Variants in CLEC19A observed in about 807,000 individuals in gnomAD.
CLEC19A encodes the protein C-type lectin domain containing 19A.
A neutral mutation model predicts 26.1 loss-of-function variants in CLEC19A; 21 were observed. The ratio of observed to expected loss-of-function variants is 0.80; its 90% CI spans 0.57 to 1.16. The LOEUF (loss-of-function observed/expected upper bound fraction) is 1.16, where lower values mean the gene tolerates loss of function less well. Ranked by LOEUF, CLEC19A falls within the 50% of genes most tolerant of loss-of-function variation. CLEC19A has a pLI of 0.00. For missense variants in CLEC19A, 224 were observed against 227.6 expected (o/e 0.98, Z 0.10); for synonymous variants, 89 against 88.6 (o/e 1.00, Z -0.03).
intron 3 of CLEC19A, among the ~76,000 whole-genome samples, chr16:19,307,060 C>T (rs963069363): frequency 1.2e-4 from 18 of 152,126 alleles, no homozygotes; most frequent in Non-Finnish European, 2.4e-4. Flanking sequence ...AGAGTAGTTC[C>T]ACCTTAGGCA....
intron 3 of CLEC19A, among the ~76,000 whole-genome samples, chr16:19,305,739 A>G (rs921327560): frequency 6.6e-6 from 1 of 152,214 alleles, no homozygotes; most frequent in South Asian, 2.1e-4. Context: ...CGTGGTGCTT[A>G]GCATATTATA....
chr16:19,300,232 A>G (rs1411033776), intron 2 of CLEC19A, among the ~76,000 whole-genome samples: 2 of 151,604 alleles, frequency 1.3e-5, no homozygotes, highest in African/African-American at 4.8e-5. Flanking sequence ...TCAAAAATAA[A>G]TAAATAAATA....
chr16:19,308,847 AG>A (rs1172294861), intron 4 of CLEC19A, among the ~76,000 whole-genome samples, 156 bp from the exon 5 acceptor site: 1 of 152,206 alleles, frequency 6.6e-6, no homozygotes. Flanking sequence ...TGCAAGAGTA[AG>A]GCTGGACAGC....
chr16:19,301,746 T>TTTTTTTTTTTTTTTG (rs1897833836), intron 2 of CLEC19A, among the ~76,000 whole-genome samples: 1 of 121,932 alleles, frequency 8.2e-6, no homozygotes, highest in African/African-American at 3.4e-5. Flanking sequence ...GTTTTTTTTT[T>TTTTTTTTTTTTTTTG]TTTTTTTTTT....
rs1291095115 is a variant in CLEC19A, at chr16:19,301,766, T to TTTTTTA, written c.255-2296_255-2295insTTTTTA. Among the ~76,000 whole-genome samples, 328 of 116,100 alleles carry TTTTTTA rather than the reference T, an allele frequency of 2.8e-3. 1 individual carries two copies. Among genetic ancestry groups the TTTTTTA allele is most frequent in the Non-Finnish European group, 4.7e-3 (262 of 55,612 alleles). The allele number at this position is 116,100 out of a possible 152,430, so 76.2% of individuals were successfully genotyped here. On this transcript the variant is annotated intron_variant, in intron 2 of 4. Coordinates refer to ENST00000636231, the MANE Select transcript of CLEC19A (RefSeq NM_001256720.2). Reference sequence around the variant, plus strand: ...TTTTTTTTTTTTTTTTTTTTTTTTGTATTTTTAGCAGAGACGGAGTTTCAC... The same window carrying TTTTTTA: ...TTTTTTTTTTTTTTTTTTTTTTTTGTTTTTTAATTTTTAGCAGAGACGGAGTTTCAC...
At chr16:19,301,727 GTTTTTTTGGTTTTT>G (rs1368763505) in intron 2 of CLEC19A, among the ~76,000 whole-genome samples, 1,746 of 28,362 alleles carry the variant, frequency 0.062, 76 homozygotes, top group African/African-American at 0.14. Context: ...CCATGCCCAG[GTTTTTTTGGTTTTT>G]TTTTTTTTTT....
At position 19,307,395 on chromosome 16, in the gene CLEC19A, A is replaced by G. The variant is rs895398882; in HGVS notation, c.349-150A>G. 4.9e-5 allele frequency: 38 copies of G among 780,620 alleles called. No individual in the cohort carries two copies. In the African/African-American group the frequency reaches 5.9e-4, roughly 12 times the overall value. 48.4% of individuals were successfully genotyped at this position (780,620 alleles called of 1,614,324 possible). A position where few individuals can be genotyped will look rare whatever the true frequency, so the allele number is the denominator to read the frequency against. On this transcript the variant is annotated intron_variant, in intron 3 of 4. Transcript: ENST00000636231. ...TAATAGCAGTCAGATTGGTAGCAGT[A>G]GTGCCAGATAGCAGTAGCCTCAATG...
At chr16:19,293,127 G>T (rs1254097950) in intron 1 of CLEC19A, among the ~76,000 whole-genome samples, 4 of 152,028 alleles carry the variant, frequency 2.6e-5, no homozygotes, top group African/African-American at 9.7e-5. Context: ...GTAAAGAGGG[G>T]AAAAAAGAGA....
rs914893082 is a variant in CLEC19A, at chr16:19,309,961, A to G, written c.*878A>G. ...GCCTAGCCAAGAATACATCTTAAAT[A>G]TTCCCGTCAACACATGGGCTCAAAG... On this transcript the variant is annotated 3_prime_UTR_variant, in exon 5 of 5. Coordinates refer to ENST00000636231, the MANE Select transcript of CLEC19A (RefSeq NM_001256720.2). 2.6e-5 allele frequency: 4 copies of G among 152,144 alleles called. No individual in the cohort carries two copies. The highest frequency in any genetic ancestry group is 5.9e-5 in the Non-Finnish European group (4 of 68,036). 9.4% of individuals were successfully genotyped at this position (152,144 alleles called of 1,614,324 possible). A position where few individuals can be genotyped will look rare whatever the true frequency, so the allele number is the denominator to read the frequency against.
Position 19,301,736 on chromosome 16 carries a change from G to GTTTTTTTTTTTTTTTTTTTTTTTTTT in CLEC19A, c.255-2323_255-2298dup, listed in dbSNP as rs1171248968. Among the ~76,000 whole-genome samples, 10 of 81,496 alleles carry GTTTTTTTTTTTTTTTTTTTTTTTTTT rather than the reference G, an allele frequency of 1.2e-4. 1 individual carries two copies. Among genetic ancestry groups the GTTTTTTTTTTTTTTTTTTTTTTTTTT allele is most frequent in the African/African-American group, 4.3e-4 (9 of 20,912 alleles). 53.5% of individuals were successfully genotyped at this position (81,496 alleles called of 152,430 possible). A position where few individuals can be genotyped will look rare whatever the true frequency, so the allele number is the denominator to read the frequency against. ...ATGACACCATGCCCAGGTTTTTTTGGTTTTTTTTTTTTTTTTTTTTTTTTT... is the reference window on the plus strand; with the variant it reads ...ATGACACCATGCCCAGGTTTTTTTGGTTTTTTTTTTTTTTTTTTTTTTTTTTTTTTTTTTTTTTTTTTTTTTTTTTT... On this transcript the variant is annotated intron_variant, in intron 2 of 4. Coordinates refer to ENST00000636231, the MANE Select transcript of CLEC19A (RefSeq NM_001256720.2).
intron 2 of CLEC19A, among the ~76,000 whole-genome samples, chr16:19,301,751 T>TTTTTTTTTTTTTTTG (rs1897836169): frequency 7.5e-6 from 1 of 133,034 alleles, no homozygotes; most frequent in Non-Finnish European, 1.6e-5. Flanking sequence ...TTTTTTTTTT[T>TTTTTTTTTTTTTTTG]TTTTTTTTTT....
In CLEC19A at chr16:19,287,588, C is replaced by T. The variant is rs528992049; in HGVS notation, c.88+1649C>T. Among the ~76,000 whole-genome samples, 64 of 152,278 alleles carry T rather than the reference C, an allele frequency of 4.2e-4. 1 individual carries two copies. The South Asian group carries it at 0.011, about 25-fold the overall frequency. ...TTGAACAAAATATCCTTGCAGACTG[C>T]GCCTCGTATATCCCAAGATCTTGCC... On this transcript the variant is annotated intron_variant, in intron 1 of 4. Coordinates refer to ENST00000636231, the MANE Select transcript of CLEC19A (RefSeq NM_001256720.2).
Position 19,304,123 on chromosome 16 carries a change from G to A in CLEC19A, c.316G>A (p.Asp106Asn). The change falls in exon 3 of 5, where the codon GAC becomes AAC. Residue 106 changes from aspartate (D) to asparagine (N), a missense_variant. Coordinates refer to ENST00000636231, the MANE Select transcript of CLEC19A (RefSeq NM_001256720.2). ...CAGCTGTGTTCCCGGCATCCCAGCT[G>A]ACGTCTGGACAGGCCTTCATGATCA... is the stretch of plus-strand genomic sequence containing the variant. ...VNSCVPGIPA[D>N]VWTGLHDHRQ... 1 of 1,550,616 alleles carries A rather than the reference G, an allele frequency of 6.4e-7. No homozygotes were observed.
intron 2 of CLEC19A, among the ~76,000 whole-genome samples, chr16:19,299,752 A>G (rs1471845274): frequency 6.6e-6 from 1 of 152,188 alleles, no homozygotes; most frequent in Non-Finnish European, 1.5e-5. Flanking sequence ...CAGCTTTGCT[A>G]CCTTTTTTGC....
intron 1 of CLEC19A, 44 bp from the exon 2 acceptor site, chr16:19,298,629 G>A (rs762940990): frequency 3.3e-6 from 5 of 1,537,382 alleles, no homozygotes; most frequent in Middle Eastern, 1.7e-4. Context: ...AACAATGTCA[G>A]CACTGCCAAC....
chr16:19,298,174 G>A (rs922667360), intron 1 of CLEC19A, among the ~76,000 whole-genome samples: 12 of 151,436 alleles, frequency 7.9e-5, no homozygotes, highest in African/African-American at 2.7e-4. Flanking sequence ...CCCAGGAGGC[G>A]GAGGTTGCGG....
At chr16:19,299,254 A>G (rs1043534435) in intron 2 of CLEC19A, among the ~76,000 whole-genome samples, 3 of 152,232 alleles carry the variant, frequency 2.0e-5, no homozygotes, top group African/African-American at 4.8e-5. Context: ...TATAAAGAAT[A>G]TGATGTAAAG....
chr16:19,288,044 T>C (rs1328215579), intron 1 of CLEC19A, among the ~76,000 whole-genome samples: 1 of 152,058 alleles, frequency 6.6e-6, no homozygotes, highest in African/African-American at 2.4e-5. Flanking sequence ...AGCTCGCAGT[T>C]TGGAAATGGA....
Position 19,309,648 on chromosome 16 carries a change from C to CA in CLEC19A, c.*566dup, listed in dbSNP as rs1184650177. On this transcript the variant is annotated 3_prime_UTR_variant, in exon 5 of 5. Coordinates refer to ENST00000636231, the MANE Select transcript of CLEC19A (RefSeq NM_001256720.2). ...ACGAGAGTAATTTTTTTTTTTGAGACAGAGTCTCACTCTGTTGCCCAGGCT... is the reference window on the plus strand; with the variant it reads ...ACGAGAGTAATTTTTTTTTTTGAGACAAGAGTCTCACTCTGTTGCCCAGGCT... The CA allele has an allele frequency of 2.0e-5, 3 of 151,786 alleles. No homozygotes were observed. Among genetic ancestry groups the CA allele is most frequent in the Non-Finnish European group, 4.4e-5 (3 of 68,274 alleles). 9.4% of individuals were successfully genotyped at this position (151,786 alleles called of 1,614,324 possible). A position where few individuals can be genotyped will look rare whatever the true frequency, so the allele number is the denominator to read the frequency against.
Sources: allele counts gnomAD v4.1 joint callset (sites outside exome capture counted in the v4.1 genomes callset), GRCh38; gene constraint gnomAD v4.1.1; transcripts MANE v1.5; gene names NCBI Gene and HGNC (gene_info 2026-07-23, HGNC 2026-07-21).